The following CAP2 variants were observed in gnomAD, a reference collection of about 807,000 sequenced individuals.
CAP2 encodes the protein adenylyl cyclase-associated protein 2.
Under a neutral mutation model 57.7 loss-of-function variants are expected in CAP2, and 24 were observed. The ratio of observed to expected loss-of-function variants is 0.42; its 90% CI spans 0.30 to 0.58. The LOEUF (loss-of-function observed/expected upper bound fraction) is 0.58, where lower values mean the gene tolerates loss of function less well. CAP2 is among the 20% of genes least tolerant of loss of function. CAP2 has a pLI of 0.22. For synonymous variants in CAP2, 194 were observed against 207.2 expected, an observed-to-expected ratio of 0.94 and a Z score of 0.55; for missense variants, 501 against 590.3, an observed-to-expected ratio of 0.85 and a Z score of 1.57.
intron 4 of CAP2, among the ~76,000 whole-genome samples, chr6:17,498,767 C>T (rs1015521530): frequency 6.6e-6 from 1 of 151,944 alleles, no homozygotes; most frequent in Non-Finnish European, 1.5e-5. Flanking sequence ...CTTGCTCTGT[C>T]GCCCAGGCTG....
In CAP2 at chr6:17,421,686, CA is replaced by C. The variant is rs777696476; in HGVS notation, c.121+13del. The C allele has an allele frequency of 5.1e-5, 82 of 1,613,996 alleles. No homozygotes were observed. The highest frequency in any genetic ancestry group is 6.7e-5 in the Non-Finnish European group (79 of 1,179,960). On this transcript the variant is annotated intron_variant, in intron 2 of 12. Transcript: ENST00000229922. ...AATGGTGTCATTGCAGGTAGGGTCA[CA>C]AACTGTTGTCATTCCTGGTCTTCTT...
chr6:17,393,604 C>T lies in CAP2; in HGVS notation c.-144C>T, dbSNP rs1758592196. On this transcript the variant is annotated 5_prime_UTR_variant, in exon 1 of 13. Transcript: ENST00000229922. ...TCCGGAAGCTGCCGGCGACTCTCCC[C>T]TGGAGCAGCGTGACTGACACCGGCT... The T allele has an allele frequency of 6.6e-6, 1 of 152,342 alleles. No individual in the cohort carries two copies. Among genetic ancestry groups the T allele is most frequent in the African/African-American group, 2.4e-5 (1 of 41,466 alleles). The allele number at this position is 152,342 out of a possible 1,614,324, so 9.4% of individuals were successfully genotyped here. A position where few individuals can be genotyped will look rare whatever the true frequency, so the allele number is the denominator to read the frequency against.
chr6:17,432,719 C>CCCTTG (rs1759768846), intron 3 of CAP2, among the ~76,000 whole-genome samples: 1 of 151,038 alleles, frequency 6.6e-6, no homozygotes, highest in African/African-American at 2.4e-5. Context: ...CCCTCCACCC[C>CCCTTG]CTTGCTTGCT....
intron 1 of CAP2, among the ~76,000 whole-genome samples, chr6:17,408,642 A>C (rs978516163): frequency 1.3e-5 from 2 of 151,170 alleles, no homozygotes; most frequent in Non-Finnish European, 2.9e-5. Flanking sequence ...GTAACTGACT[A>C]TATGAAATGA....
intron 1 of CAP2, among the ~76,000 whole-genome samples, chr6:17,406,708 A>G (rs1355310523): frequency 1.3e-5 from 2 of 152,098 alleles, no homozygotes; most frequent in Non-Finnish European, 2.9e-5. Flanking sequence ...TCTTTAGAAA[A>G]AAAGTTTCAG....
chr6:17,481,941 T>C (rs1014309491), intron 4 of CAP2, among the ~76,000 whole-genome samples: 2 of 152,186 alleles, frequency 1.3e-5, no homozygotes, highest in African/African-American at 2.4e-5. Context: ...GTGACAGACA[T>C]GCATATGTAG....
chr6:17,399,315 G>T (rs527350896), intron 1 of CAP2, among the ~76,000 whole-genome samples: 25 of 152,140 alleles, frequency 1.6e-4, no homozygotes, highest in South Asian at 1.2e-3. Flanking sequence ...CACCTGCCTA[G>T]GTCTCCCAAA....
intron 1 of CAP2, among the ~76,000 whole-genome samples, chr6:17,413,038 G>C (rs1759179726): frequency 6.6e-6 from 1 of 152,144 alleles, no homozygotes; most frequent in South Asian, 2.1e-4. Context: ...TTGGGGAGTT[G>C]TCCCTGTGGC....
chr6:17,453,559 T>G (rs1177111194), intron 3 of CAP2, among the ~76,000 whole-genome samples: 1 of 152,208 alleles, frequency 6.6e-6, no homozygotes, highest in Non-Finnish European at 1.5e-5. Flanking sequence ...AAACGGTTAA[T>G]ACATGTAAGT....
chr6:17,466,541 T>G (rs900078732), intron 4 of CAP2, among the ~76,000 whole-genome samples: 1 of 152,212 alleles, frequency 6.6e-6, no homozygotes, highest in African/African-American at 2.4e-5. Flanking sequence ...CAACGGTCTC[T>G]AGACCACTGC....
intron 4 of CAP2, among the ~76,000 whole-genome samples, chr6:17,503,128 C>A (rs368567011): frequency 6.6e-6 from 1 of 152,288 alleles, no homozygotes; most frequent in East Asian, 1.9e-4. Flanking sequence ...AGTCCCTGAA[C>A]TGCCATTACC....
At chr6:17,447,559 C>T (rs373560919) in intron 3 of CAP2, among the ~76,000 whole-genome samples, 2 of 152,172 alleles carry the variant, frequency 1.3e-5, no homozygotes, top group South Asian at 2.1e-4. Context: ...AGTGCAGTGG[C>T]GTGATCTTGG....
At chr6:17,503,604 C>CAAAAAAAAAAAAAAAAAAAA in intron 4 of CAP2, among the ~76,000 whole-genome samples, 1 of 73,358 alleles carries the variant, frequency 1.4e-5, no homozygotes, top group Non-Finnish European at 2.8e-5. Context: ...AACTCTATCT[C>CAAAAAAAAAAAAAAAAAAAA]AAAAAAAAAA....
intron 7 of CAP2, among the ~76,000 whole-genome samples, chr6:17,532,641 G>A (rs1762672773): frequency 6.6e-6 from 1 of 151,476 alleles, no homozygotes; most frequent in Non-Finnish European, 1.5e-5. Flanking sequence ...CCAGCTACTG[G>A]GAGGCTGAGG....
intron 3 of CAP2, among the ~76,000 whole-genome samples, chr6:17,451,349 TATCAA>T (rs1760397550): frequency 6.6e-6 from 1 of 152,182 alleles, no homozygotes; most frequent in Non-Finnish European, 1.5e-5. Flanking sequence ...CCATGGGTCA[TATCAA>T]CAAACCTCCT....
chr6:17,423,239 G>A (rs1245665785), intron 2 of CAP2, among the ~76,000 whole-genome samples: 2 of 152,170 alleles, frequency 1.3e-5, no homozygotes, highest in African/African-American at 2.4e-5. Context: ...AAAAATTACT[G>A]TGTGAGCACA....
At chr6:17,418,988 T>A (rs925605744) in intron 1 of CAP2, among the ~76,000 whole-genome samples, 5 of 152,238 alleles carry the variant, frequency 3.3e-5, no homozygotes, top group Non-Finnish European at 5.9e-5. Flanking sequence ...TGATTTCAGC[T>A]GTGCAGAGAA....
chr6:17,512,600 A>G (rs917483795), intron 6 of CAP2, among the ~76,000 whole-genome samples: 4 of 152,212 alleles, frequency 2.6e-5, no homozygotes, highest in Non-Finnish European at 4.4e-5. Flanking sequence ...AGACCCTTAT[A>G]AGACCCTACA....
intron 4 of CAP2, among the ~76,000 whole-genome samples, chr6:17,490,715 T>C (rs1761523812): frequency 6.6e-6 from 1 of 152,124 alleles, no homozygotes; most frequent in African/African-American, 2.4e-5. Context: ...TGGAGAAGGA[T>C]CCTGGAGGCC....
Sources: gnomAD v4.1 joint callset for allele counts (sites outside exome capture counted in the v4.1 genomes callset) on GRCh38, gnomAD v4.1.1 for gene constraint, MANE v1.5 for transcripts, NCBI Gene and HGNC (gene_info 2026-07-23, HGNC 2026-07-21) for gene names.